Variants in ZNF226 observed in about 807,000 individuals in gnomAD.
The protein encoded by ZNF226 is zinc finger protein 226, also known as Kruppel-associated box protein.
Under a neutral mutation model 11.4 loss-of-function variants are expected in ZNF226, and 6 were observed. That is an observed-to-expected ratio of 0.53 (90% CI 0.29 to 1.04). ZNF226 has a LOEUF of 1.04. ZNF226 is among the 50% of genes least tolerant of loss of function. The pLI is 0.08. For missense variants in ZNF226, 1,058 were observed against 956.5 expected, an observed-to-expected ratio of 1.11 and a Z score of -1.40; for synonymous variants, 350 against 322.8, an observed-to-expected ratio of 1.08 and a Z score of -0.90.
the ZNF226 span, among the ~76,000 whole-genome samples, chr19:44,197,215 A>G: frequency 6.6e-6 from 1 of 152,104 alleles, no homozygotes; most frequent in Non-Finnish European, 1.5e-5. Context: ...CGGGGTGCAC[A>G]TGTGTGTGTG....
In ZNF226 at chr19:44,172,878, A is replaced by G; in HGVS notation, c.161A>G (p.Gln54Arg). ...LLSVGHPPFKQDVSPIERNEQ... is the reference protein window; with the variant it reads ...LLSVGHPPFKRDVSPIERNEQ... The stretch of plus-strand genomic sequence containing the variant: ...TTCACAGGGCATCCACCCTTCAAAC[A>G]AGATGTATCACCTATAGAAAGAAAT... Residue 54 changes from glutamine to arginine, a missense_variant, in exon 5 of 6, where the codon CAA becomes CGA. Transcript: ENST00000337433. 6.2e-7 allele frequency: 1 copy of G among 1,604,126 alleles called. No individual in the cohort carries two copies. Among genetic ancestry groups the G allele is most frequent in the Admixed American group, 1.7e-5 (1 of 58,570 alleles).
chr19:44,199,100 C>A, the ZNF226 span, among the ~76,000 whole-genome samples: 12 of 152,148 alleles, frequency 7.9e-5, no homozygotes, highest in Non-Finnish European at 7.4e-5. Flanking sequence ...CTGCACCTGG[C>A]CTAATGTAAC....
downstream of ZNF226, among the ~76,000 whole-genome samples, chr19:44,181,921 A>G (rs1162639696): frequency 6.6e-6 from 1 of 152,206 alleles, no homozygotes; most frequent in Admixed American, 6.5e-5. Flanking sequence ...AAATACGACC[A>G]TGAGGAGATA....
chr19:44,196,740 C>T, the ZNF226 span, among the ~76,000 whole-genome samples: 3 of 152,190 alleles, frequency 2.0e-5, no homozygotes, highest in Non-Finnish European at 4.4e-5. Context: ...CCATTGGGCT[C>T]ATGTTGATAG....
chr19:44,175,798 C>T lies in ZNF226; in HGVS notation c.536C>T (p.Thr179Ile). 6.2e-7 allele frequency: 1 copy of T among 1,613,678 alleles called. No homozygotes were observed. The highest frequency in any genetic ancestry group is 8.5e-7 in the Non-Finnish European group (1 of 1,179,802). Residue 179 changes from threonine (T) to isoleucine (I), a missense_variant, in exon 6 of 6, where the codon ACT (threonine) becomes ATT (isoleucine). Thr to Ile is a moderately conservative substitution (Grantham distance 89). Transcript: ENST00000337433. ...GATTCTTGGAGGAAAACATTCCTGA[C>T]TGAGTCACAGAGATTGAACAGAGAT... The part of the protein sequence containing the change: ...TQDSWRKTFL[T>I]ESQRLNRDQQ...
rs772350351 is a variant in ZNF226 at position 44,176,307 on chromosome 19, G to A, written c.1045G>A (p.Ala349Thr). The change falls in exon 6 of 6, where the codon GCA (alanine) becomes ACA (threonine). Residue 349 changes from alanine (A) to threonine (T), a missense_variant. Coordinates refer to ENST00000337433, the MANE Select transcript of ZNF226 (RefSeq NM_001032373.2). ...QCGKGFSRRS[A>T]LNVHCKVHTA... ...TGGGAAAGGTTTCAGTCGTAGATCAGCACTTAATGTTCATTGCAAGGTCCA... is the reference window on the plus strand; with the variant it reads ...TGGGAAAGGTTTCAGTCGTAGATCAACACTTAATGTTCATTGCAAGGTCCA... 3 of 1,614,156 alleles carry A rather than the reference G, an allele frequency of 1.9e-6. No homozygotes were observed. The South Asian group carries it at 3.3e-5, about 18-fold the overall frequency.
chr19:44,169,762 T>C (rs959156076), intron 2 of ZNF226: 7 of 276,052 alleles, frequency 2.5e-5, no homozygotes, highest in South Asian at 1.3e-4. Flanking sequence ...ACTGTACTTA[T>C]ATTGTCTCAA....
At chr19:44,169,715 G>T (rs1969856991) in intron 2 of ZNF226, 5 of 191,970 alleles carry the variant, frequency 2.6e-5, no homozygotes. Context: ...CGCTTTTAGT[G>T]TCAGGATTTT....
chr19:44,190,808 G>A, the ZNF226 span, among the ~76,000 whole-genome samples: 1 of 152,156 alleles, frequency 6.6e-6, no homozygotes, highest in African/African-American at 2.4e-5. Flanking sequence ...CATACTGAAT[G>A]TATGCAAATA....
At chr19:44,197,094 G>A in the ZNF226 span, among the ~76,000 whole-genome samples, 4 of 152,076 alleles carry the variant, frequency 2.6e-5, no homozygotes, top group Non-Finnish European at 1.5e-5. Context: ...CCAACATTAT[G>A]TTTGTGAGAT....
chr19:44,168,422 A>G (rs774999540), intron 2 of ZNF226, among the ~76,000 whole-genome samples: 1 of 152,166 alleles, frequency 6.6e-6, no homozygotes, highest in African/African-American at 2.4e-5. Context: ...CCATTTTCCC[A>G]TTAAAGACTT....
chr19:44,180,207 G>T (rs914146966), downstream of ZNF226, among the ~76,000 whole-genome samples: 2 of 152,022 alleles, frequency 1.3e-5, no homozygotes, highest in African/African-American at 2.4e-5. Context: ...AAAGATGTGC[G>T]TAGGGAGAGA....
At chr19:44,189,754 G>A in the ZNF226 span, among the ~76,000 whole-genome samples, 1 of 152,186 alleles carries the variant, frequency 6.6e-6, no homozygotes, top group Non-Finnish European at 1.5e-5. Flanking sequence ...GTCTCATTAT[G>A]ATAAAGATTG....
chr19:44,176,249 C>A lies in ZNF226; in HGVS notation c.987C>A (p.His329Gln). The change falls in exon 6 of 6, where the codon CAC (histidine) becomes CAA (glutamine). Residue 329 changes from histidine to glutamine, a missense_variant. Transcript: ENST00000337433. ...ATCTACAGACCCATCAGAAAGTCCA[C>A]GTGATAGAGAAACCATACAAATGTA... ...GAHLQTHQKV[H>Q]VIEKPYKCKQ... is the part of the protein sequence containing the mutation. 6.2e-7 allele frequency: 1 copy of A among 1,614,128 alleles called. No homozygotes were observed. The highest frequency in any genetic ancestry group is 8.5e-7 in the Non-Finnish European group (1 of 1,180,022).
downstream of ZNF226, among the ~76,000 whole-genome samples, chr19:44,183,366 A>G (rs151179604): frequency 8.9e-4 from 135 of 152,332 alleles, 1 homozygote; most frequent in Middle Eastern, 3.4e-3. Flanking sequence ...GAATTGCACC[A>G]GCTGCATTCA....
chr19:44,186,946 G>T, the ZNF226 span, among the ~76,000 whole-genome samples: 14 of 149,502 alleles, frequency 9.4e-5, no homozygotes, highest in African/African-American at 3.4e-4. Flanking sequence ...ATTTTTATAT[G>T]TTGAATTATA....
At position 44,176,658 on chromosome 19, in the gene ZNF226, CAG is replaced by C. The variant is rs749988341; in HGVS notation, c.1397_1398del (p.Gln466ArgfsTer41). The C allele has an allele frequency of 1.2e-6, 2 of 1,614,050 alleles. No individual in the cohort carries two copies. The highest frequency in any genetic ancestry group is 1.1e-5 in the South Asian group (1 of 91,076). On this transcript the variant is annotated frameshift_variant, in exon 6 of 6. Transcript: ENST00000337433. LOFTEE classifies it low-confidence loss of function (END_TRUNC). ...FSRPSSLQAHQGVHTGEKSYI... is the reference protein window; with the variant it reads ...FSRPSSLQAHXGVHTGEKSYI... ...TCGGCCTTCAAGTCTTCAGGCCCAT[CAG>C]GGAGTTCACACTGGAGAGAAGTCAT...
chr19:44,190,655 C>T, the ZNF226 span, among the ~76,000 whole-genome samples: 115 of 152,152 alleles, frequency 7.6e-4, no homozygotes, highest in Non-Finnish European at 9.9e-4. Context: ...GATTTTAAAC[C>T]TCCTTGAGTC....
intron 2 of ZNF226, among the ~76,000 whole-genome samples, 159 bp downstream of exon 2, chr19:44,165,966 C>T (rs933592945): frequency 1.3e-5 from 2 of 152,160 alleles, no homozygotes; most frequent in Non-Finnish European, 1.5e-5. Context: ...TATACAGTGG[C>T]TCTGTGAAGT....
Sources: allele counts gnomAD v4.1 joint callset (sites outside exome capture counted in the v4.1 genomes callset), GRCh38; gene constraint gnomAD v4.1.1; transcripts MANE v1.5; gene names NCBI Gene and HGNC (gene_info 2026-07-23, HGNC 2026-07-21).